COL4A3: variants seen among roughly 807,000 people sequenced by gnomAD.
COL4A3 encodes collagen type IV alpha 3 chain.
COL4A3 carries 135 observed loss-of-function variants against 217.4 expected under a neutral mutation model. The ratio of observed to expected loss-of-function variants is 0.62; its 90% confidence interval spans 0.54 to 0.72. The LOEUF (loss-of-function observed/expected upper bound fraction) is 0.72, where lower values mean the gene tolerates loss of function less well. COL4A3 is among the 30% of genes least tolerant of loss of function. The pLI is 0.00. For missense variants in COL4A3, 1,868 were observed against 2,119.9 expected (o/e 0.88, Z 2.33); for synonymous variants, 690 against 736.3 (o/e 0.94, Z 1.02).
intron 38 of COL4A3, 36 bp from the exon 39 acceptor site, chr2:227,294,443 TATCTTTTGGTG>T (rs1335383543): frequency 8.4e-7 from 1 of 1,186,320 alleles, no homozygotes; most frequent in South Asian, 1.2e-5. Context: ...TGTAATCATT[TATCTTTTGGTG>T]ATCTTTTTTC....
chr2:227,220,049 T>C (rs1245380724), intron 1 of COL4A3, among the ~76,000 whole-genome samples: 1 of 152,128 alleles, frequency 6.6e-6, no homozygotes, highest in Non-Finnish European at 1.5e-5. Flanking sequence ...CTGTACTTGC[T>C]GAAGATTTGA....
At chr2:227,234,210 G>C (rs2068566285) in intron 1 of COL4A3, among the ~76,000 whole-genome samples, 1 of 152,162 alleles carries the variant, frequency 6.6e-6, no homozygotes, top group Non-Finnish European at 1.5e-5. Context: ...GAGACAGACA[G>C]AGAGATGGAG....
At chr2:227,229,236 C>T (rs1455486925) in intron 1 of COL4A3, among the ~76,000 whole-genome samples, 1 of 151,840 alleles carries the variant, frequency 6.6e-6, no homozygotes, top group Admixed American at 6.6e-5. Flanking sequence ...GGCTTGCTGC[C>T]TTTGTGTAAT....
At chr2:227,221,977 C>G (rs1197845277) in intron 1 of COL4A3, among the ~76,000 whole-genome samples, 1 of 144,390 alleles carries the variant, frequency 6.9e-6, no homozygotes, top group African/African-American at 2.6e-5. Flanking sequence ...AACTCAGCAT[C>G]CTTGTGTTTA....
intron 1 of COL4A3, among the ~76,000 whole-genome samples, chr2:227,180,143 C>T (rs114494688): frequency 5.8e-4 from 88 of 152,310 alleles, no homozygotes; most frequent in African/African-American, 2.1e-3. Context: ...AGTAGCAGTG[C>T]TTCAAGGTTT....
At chr2:227,206,937 A>G (rs1020485343) in intron 1 of COL4A3, among the ~76,000 whole-genome samples, 2 of 152,098 alleles carry the variant, frequency 1.3e-5, no homozygotes, top group Non-Finnish European at 2.9e-5. Flanking sequence ...TCAAACCCAG[A>G]CCCCTAACTG....
At chr2:227,289,818 T>C (rs914408364) in intron 35 of COL4A3, among the ~76,000 whole-genome samples, 181 bp from the exon 36 acceptor site, 21 of 152,168 alleles carry the variant, frequency 1.4e-4, no homozygotes, top group Non-Finnish European at 2.1e-4. Flanking sequence ...TTTCTTTAGT[T>C]TTCCATGTTC....
chr2:227,192,181 T>G (rs1251613250), intron 1 of COL4A3, among the ~76,000 whole-genome samples: 1 of 152,208 alleles, frequency 6.6e-6, no homozygotes, highest in African/African-American at 2.4e-5. Flanking sequence ...GATGGTAAAT[T>G]AATCCCAAAC....
At chr2:227,197,962 C>T (rs2066546105) in intron 1 of COL4A3, among the ~76,000 whole-genome samples, 1 of 152,144 alleles carries the variant, frequency 6.6e-6, no homozygotes, top group African/African-American at 2.4e-5. Flanking sequence ...CTGGGGTGAC[C>T]CCTCCAATAT....
At chr2:227,169,320 T>G (rs2065394068) in intron 1 of COL4A3, 1 of 151,380 alleles carries the variant, frequency 6.6e-6, no homozygotes, top group Admixed American at 6.6e-5. Flanking sequence ...TTCCAAGTCT[T>G]TGCTATTGTG....
In COL4A3 at chr2:227,280,492, G is replaced by T; in HGVS notation, c.2276G>T (p.Gly759Val). The change falls in exon 30 of 52, where the codon GGA becomes GTA. Residue 759 changes from glycine (G) to valine (V), a missense_variant. Around this residue, in one of 2 missense-constraint regions of COL4A3, gnomAD observed 1,503 missense variants for 1,786.1 expected, o/e 0.84. Transcript: ENST00000396578. Reference sequence around the variant, plus strand: ...GGACCAGGAACACCAGGTTTTCCAGGAGAAAGAGGCAATTCTGGGGAACAT... The same window carrying T: ...GGACCAGGAACACCAGGTTTTCCAGTAGAAAGAGGCAATTCTGGGGAACAT... ...PGGPGTPGFPGERGNSGEHGE... is the reference protein window; with the variant it reads ...PGGPGTPGFPVERGNSGEHGE... The T allele has an allele frequency of 6.2e-7, 1 of 1,614,124 alleles. No individual in the cohort carries two copies. The highest frequency in any genetic ancestry group is 2.2e-5 in the East Asian group (1 of 44,880).
intron 1 of COL4A3, among the ~76,000 whole-genome samples, chr2:227,200,562 G>A (rs2066646901): frequency 6.6e-6 from 1 of 152,206 alleles, no homozygotes; most frequent in Non-Finnish European, 1.5e-5. Flanking sequence ...GCTGGTGCAT[G>A]TTTCTAGTGT....
chr2:227,194,360 A>G (rs2066388197), intron 1 of COL4A3, among the ~76,000 whole-genome samples: 1 of 152,092 alleles, frequency 6.6e-6, no homozygotes. Context: ...GTTGGCCACA[A>G]TCAATGAGGG....
At chr2:227,304,708 T>C (rs532570717) in intron 46 of COL4A3, among the ~76,000 whole-genome samples, 1 of 152,342 alleles carries the variant, frequency 6.6e-6, no homozygotes, top group Non-Finnish European at 1.5e-5. Flanking sequence ...TTCAGGGACA[T>C]AGTGAATTCT....
rs764864727 is a variant in COL4A3, at chr2:227,282,408, A to G, written c.2532A>G (p.Pro844=). Residue 844 remains proline, a synonymous_variant, in exon 32 of 52, where the codon CCA becomes CCG. Transcript: ENST00000396578. This position sits in a 1 kb window ranked among gnomAD's most constrained non-coding sequence, Gnocchi z 4.4. ...KTGPKGDPGI[P]GLDRSGFPGE... ...GGCCAAAGGGAGACCCAGGAATTCC[A>G]GGCTTGGATAGATCAGGATTTCCTG... 30 of 1,613,706 alleles carry G rather than the reference A, an allele frequency of 1.9e-5. No individual in the cohort carries two copies. In the East Asian group the frequency reaches 6.7e-4, roughly 36 times the overall value.
rs763908601 is a variant in COL4A3 at position 227,246,675 on chromosome 2, T to C, written c.388-10T>C. ...ACTAAGAATAATAAGAAACTTTGTA[T>C]GTCTTTTAGGGTGAGCAGGGGTTTC... On this transcript the variant is annotated splice_polypyrimidine_tract_variant and intron_variant, in intron 6 of 51. Transcript: ENST00000396578. 4.4e-6 allele frequency: 7 copies of C among 1,607,950 alleles called. No individual in the cohort carries two copies. Among genetic ancestry groups the C allele is most frequent in the Admixed American group, 3.3e-5 (2 of 59,962 alleles).
At chr2:227,252,035 C>G (rs1484407012) in intron 11 of COL4A3, among the ~76,000 whole-genome samples, 4 of 136,754 alleles carry the variant, frequency 2.9e-5, no homozygotes, top group African/African-American at 1.1e-4. Flanking sequence ...CACCACTGCA[C>G]TCCAGCCTGG....
intron 1 of COL4A3, among the ~76,000 whole-genome samples, chr2:227,202,099 G>T (rs1217747473): frequency 6.6e-6 from 1 of 152,098 alleles, no homozygotes; most frequent in Non-Finnish European, 1.5e-5. Flanking sequence ...TTCCCTTCCA[G>T]AATATATTCT....
Position 227,309,324 on chromosome 2 carries a change from G to A in COL4A3, c.4755+6G>A, listed in dbSNP as rs995432941. On this transcript the variant is annotated splice_donor_region_variant and intron_variant, in intron 50 of 51. Coordinates refer to ENST00000396578, the MANE Select transcript of COL4A3 (RefSeq NM_000091.5). ...AAGGATTTTCATTCATCATGGTGAGGAGAAAAGGAACAGGAGGTTTAGGGT... is the reference window on the plus strand; with the variant it reads ...AAGGATTTTCATTCATCATGGTGAGAAGAAAAGGAACAGGAGGTTTAGGGT... 1 of 1,606,250 alleles carries A rather than the reference G, an allele frequency of 6.2e-7. No homozygotes were observed. The highest frequency in any genetic ancestry group is 8.5e-7 in the Non-Finnish European group (1 of 1,173,404).
Sources: gnomAD v4.1 joint callset for allele counts (sites outside exome capture counted in the v4.1 genomes callset) on GRCh38, gnomAD v4.1.1 for gene constraint, gnomAD v4.1.1 regional missense constraint, Gnocchi (gnomAD v3.1) non-coding constraint, MANE v1.5 for transcripts, NCBI Gene and HGNC (gene_info 2026-07-23, HGNC 2026-07-21) for gene names.